The following LHFPL6 variants were observed in gnomAD, a reference collection of about 807,000 sequenced individuals.
LHFPL6 encodes LHFPL tetraspan subfamily member 6, also known as LHFPL tetraspan subfamily member 6 protein.
In LHFPL6, 9 loss-of-function variants were observed where a neutral mutation model predicts 20.6. That is an observed-to-expected ratio of 0.44 (90% confidence interval 0.26 to 0.76). The LOEUF is 0.76. Ranked by LOEUF, LHFPL6 falls within the 30% of genes least tolerant of loss-of-function variation. The pLI, the probability that LHFPL6 is intolerant of heterozygous loss-of-function variation, is 0.20. For synonymous variants in LHFPL6, 105 were observed against 98.7 expected, an observed-to-expected ratio of 1.06 and a Z score of -0.38; for missense variants, 218 against 253.5, an observed-to-expected ratio of 0.86 and a Z score of 0.95.
At chr13:39,547,340 A>G (rs1871013343) in intron 2 of LHFPL6, among the ~76,000 whole-genome samples, 1 of 151,980 alleles carries the variant, frequency 6.6e-6, no homozygotes, top group East Asian at 1.9e-4. Context: ...TGCTCCATTC[A>G]TCTTGTATCC....
chr13:39,562,545 T>TAC (rs1439858270), intron 2 of LHFPL6, among the ~76,000 whole-genome samples: 4 of 146,256 alleles, frequency 2.7e-5, no homozygotes, highest in African/African-American at 5.0e-5. Flanking sequence ...TATACACATA[T>TAC]ACATATATAC....
intron 3 of LHFPL6, among the ~76,000 whole-genome samples, chr13:39,359,917 G>A (rs1869833503): frequency 6.6e-6 from 1 of 152,192 alleles, no homozygotes. Context: ...TTAAAAGTGG[G>A]ATAACACCTT....
At chr13:39,543,672 A>G (rs1593356602) in intron 2 of LHFPL6, among the ~76,000 whole-genome samples, 1 of 152,168 alleles carries the variant, frequency 6.6e-6, no homozygotes, top group African/African-American at 2.4e-5. Context: ...ACAAGAAATT[A>G]TAAGTACAAA....
intron 2 of LHFPL6, among the ~76,000 whole-genome samples, chr13:39,425,530 C>T (rs1178373046): frequency 6.6e-6 from 1 of 152,140 alleles, no homozygotes; most frequent in Admixed American, 6.5e-5. Context: ...TTCATCCTCG[C>T]CCATATTTTG....
intron 2 of LHFPL6, among the ~76,000 whole-genome samples, chr13:39,378,901 T>C (rs1005496482): frequency 3.3e-5 from 5 of 152,342 alleles, no homozygotes; most frequent in African/African-American, 1.2e-4. Flanking sequence ...TAATAGGTTA[T>C]GATTTCTTAT....
intron 2 of LHFPL6, among the ~76,000 whole-genome samples, chr13:39,391,421 T>A (rs1177828): frequency 0.67 from 101,839 of 152,008 alleles, 35,003 homozygotes; most frequent in Admixed American, 0.78. Flanking sequence ...CCTCATCAGT[T>A]AAGAAGGAAT....
At chr13:39,445,143 G>A (rs746888335) in intron 2 of LHFPL6, among the ~76,000 whole-genome samples, 6 of 152,108 alleles carry the variant, frequency 3.9e-5, no homozygotes, top group African/African-American at 9.7e-5. Flanking sequence ...CACCAGATAC[G>A]TCCCCTTGAT....
At chr13:39,425,595 T>C (rs1366193572) in intron 2 of LHFPL6, among the ~76,000 whole-genome samples, 1 of 152,182 alleles carries the variant, frequency 6.6e-6, no homozygotes, top group Non-Finnish European at 1.5e-5. Flanking sequence ...TGGTAGTGTA[T>C]TGTGGTTTTT....
chr13:39,430,826 C>G (rs1054200957), intron 2 of LHFPL6, among the ~76,000 whole-genome samples: 4 of 152,172 alleles, frequency 2.6e-5, no homozygotes, highest in African/African-American at 9.7e-5. Flanking sequence ...GTAAAATGGA[C>G]CAATCAGCAG....
intron 2 of LHFPL6, among the ~76,000 whole-genome samples, chr13:39,437,340 C>A (rs1871986328): frequency 6.6e-6 from 1 of 152,114 alleles, no homozygotes; most frequent in Non-Finnish European, 1.5e-5. Context: ...ACACCATCAC[C>A]CTTGGTGCTG....
rs1868747582 is a variant in LHFPL6, at chr13:39,486,925, T to A, written c.386-108399A>T. On this transcript the variant is annotated intron_variant, in intron 2 of 3. Transcript: ENST00000379589. Reference sequence around the variant, plus strand: ...TCCCTGTTAATCCATTCAATGGTACTTAATCAGCACACAACAGAGACTTCA... The same window carrying A: ...TCCCTGTTAATCCATTCAATGGTACATAATCAGCACACAACAGAGACTTCA... Among the ~76,000 whole-genome samples, 3 of 152,246 alleles carry A rather than the reference T, an allele frequency of 2.0e-5. No homozygotes were observed. The South Asian group carries it at 6.2e-4, about 32-fold the overall frequency.
At chr13:39,476,294 C>T (rs971421782) in intron 2 of LHFPL6, among the ~76,000 whole-genome samples, 4 of 152,156 alleles carry the variant, frequency 2.6e-5, no homozygotes, top group East Asian at 1.9e-4. Flanking sequence ...CCTCCCAAAG[C>T]GCTGGGATTA....
At chr13:39,547,067 A>T (rs1871004496) in intron 2 of LHFPL6, among the ~76,000 whole-genome samples, 1 of 151,904 alleles carries the variant, frequency 6.6e-6, no homozygotes, top group South Asian at 2.1e-4. Context: ...GCCTCTCAGA[A>T]TTTTCCTCCA....
intron 2 of LHFPL6, among the ~76,000 whole-genome samples, chr13:39,560,116 C>A (rs1871425476): frequency 6.6e-6 from 1 of 152,154 alleles, no homozygotes; most frequent in Non-Finnish European, 1.5e-5. Context: ...TCTACCAGGT[C>A]ATTTCCTAGG....
At chr13:39,410,422 T>C (rs1017010179) in intron 2 of LHFPL6, among the ~76,000 whole-genome samples, 2 of 152,236 alleles carry the variant, frequency 1.3e-5, no homozygotes, top group African/African-American at 4.8e-5. Flanking sequence ...TGGTCTCCAG[T>C]ATCCCCATGG....
chr13:39,563,091 AACAC>A (rs60324329), intron 2 of LHFPL6, among the ~76,000 whole-genome samples: 12,688 of 135,496 alleles, frequency 0.094, 590 homozygotes, highest in East Asian at 0.24. Flanking sequence ...CAATACTAGA[AACAC>A]ACACACACAC....
chr13:39,423,928 G>A (rs935588585), intron 2 of LHFPL6, among the ~76,000 whole-genome samples: 2 of 152,118 alleles, frequency 1.3e-5, no homozygotes, highest in Admixed American at 1.3e-4. Flanking sequence ...GGAGAAATTC[G>A]ACCCAGTAAA....
chr13:39,534,779 T>C (rs1870566733), intron 2 of LHFPL6, among the ~76,000 whole-genome samples: 1 of 152,196 alleles, frequency 6.6e-6, no homozygotes, highest in South Asian at 2.1e-4. Flanking sequence ...TATCTATGCA[T>C]TACCAATTTA....
rs1869849735 is a variant in LHFPL6, at chr13:39,360,648, G to T, written c.485-16594C>A. ...CCATTCTGTAGCTGGAGTAGGAGGA[G>T]TAAGGAAAGAGCTCTACAGAGACAT... is the stretch of plus-strand genomic sequence containing the variant. On this transcript the variant is annotated intron_variant, in intron 3 of 3. Coordinates refer to ENST00000379589, the MANE Select transcript of LHFPL6 (RefSeq NM_005780.3). Among the ~76,000 whole-genome samples, 2 of 94,042 alleles carry T rather than the reference G, an allele frequency of 2.1e-5. 1 individual carries two copies. The highest frequency in any genetic ancestry group is 4.9e-5 in the Non-Finnish European group (2 of 40,458). The allele number at this position is 94,042 out of a possible 152,430, so 61.7% of individuals were successfully genotyped here. A position where few individuals can be genotyped will look rare whatever the true frequency, so the allele number is the denominator to read the frequency against.
Sources: allele counts gnomAD v4.1 joint callset (sites outside exome capture counted in the v4.1 genomes callset), GRCh38; gene constraint gnomAD v4.1.1; transcripts MANE v1.5; gene names NCBI Gene and HGNC (gene_info 2026-07-23, HGNC 2026-07-21).